The following TLR5 variants were observed in gnomAD, a reference collection of about 807,000 sequenced individuals.
TLR5 encodes the protein toll like receptor 5, also known as toll-like receptor 5.
For missense variants in TLR5, 944 were observed against 999.8 expected, an observed-to-expected ratio of 0.94 and a Z score of 0.75; for synonymous variants, 373 against 384.4, an observed-to-expected ratio of 0.97 and a Z score of 0.35.
rs1427940774 is a variant in TLR5 at position 223,111,730 on chromosome 1, C to A, written c.1302G>T (p.Arg434Ser). Residue 434 changes from arginine (R) to serine (S), a missense_variant, in exon 6 of 6, where the codon AGG becomes AGT. By Grantham distance (110) the Arg-to-Ser change is moderately radical (BLOSUM62 -1). Coordinates refer to ENST00000642603, the MANE Select transcript of TLR5 (RefSeq NM_003268.6). ...TANLIHLSENRLENLDILYFL... is the reference protein window; with the variant it reads ...TANLIHLSENSLENLDILYFL... ...AGTAGAGAATATCTAGATTTTCTAG[C>A]CTGTTTTCTGATAAGTGGATGAGGT... The A allele has an allele frequency of 4.3e-6, 7 of 1,614,014 alleles. No homozygotes were observed. The highest frequency in any genetic ancestry group is 2.2e-5 in the East Asian group (1 of 44,884).
chr1:223,113,656 C>T lies in TLR5; in HGVS notation c.-4-621G>A, dbSNP rs1402245010. On this transcript the variant is annotated intron_variant, in intron 5 of 5. Coordinates refer to ENST00000642603, the MANE Select transcript of TLR5 (RefSeq NM_003268.6). The stretch of plus-strand genomic sequence containing the variant: ...AATAAAAATATAGAGATGGGGGTCT[C>T]GCTTTGTTGCCCATGCTGGTCTTCA... Among the ~76,000 whole-genome samples, 10 of 152,220 alleles carry T rather than the reference C, an allele frequency of 6.6e-5. No homozygotes were observed. The South Asian group carries it at 1.5e-3, about 22-fold the overall frequency.
chr1:223,112,021 G>T lies in TLR5; in HGVS notation c.1011C>A (p.Asn337Lys). Reference sequence around the variant, plus strand: ...TATATGACAAATTGAGAACTTGGAGGTTGTCAAGTCCGTAAAATGCTTCAT... The same window carrying T: ...TATATGACAAATTGAGAACTTGGAGTTTGTCAAGTCCGTAAAATGCTTCAT... The part of the protein sequence containing the change: ...IADEAFYGLD[N>K]LQVLNLSYNL... The change falls in exon 6 of 6, where the codon AAC becomes AAA. Residue 337 changes from asparagine to lysine, a missense_variant. Asn to Lys is a moderately conservative substitution (Grantham distance 94, BLOSUM62 0). Coordinates refer to ENST00000642603, the MANE Select transcript of TLR5 (RefSeq NM_003268.6). 7 of 1,614,144 alleles carry T rather than the reference G, an allele frequency of 4.3e-6. No homozygotes were observed. The highest frequency in any genetic ancestry group is 4.5e-5 in the East Asian group (2 of 44,890).
Position 223,110,428 on chromosome 1 carries a change from G to C in TLR5, c.*27C>G. 1 of 1,611,806 alleles carries C rather than the reference G, an allele frequency of 6.2e-7. No homozygotes were observed. Among genetic ancestry groups the C allele is most frequent in the Non-Finnish European group, 8.5e-7 (1 of 1,178,746 alleles). On this transcript the variant is annotated 3_prime_UTR_variant, in exon 6 of 6. Transcript: ENST00000642603. ...CAAAGTGAAGAGTTATTTGTGGCTT[G>C]AGATAAGTTGGAAATTGCTCCTTTG...
intron 5 of TLR5, chr1:223,128,034 T>C (rs1657242329): frequency 1.3e-5 from 2 of 152,248 alleles, no homozygotes; most frequent in Admixed American, 1.3e-4. Flanking sequence ...TGCATACCCA[T>C]GTCTGAGAAC....
chr1:223,116,573 T>C (rs1371008088), intron 5 of TLR5, among the ~76,000 whole-genome samples: 2 of 152,150 alleles, frequency 1.3e-5, no homozygotes, highest in African/African-American at 4.8e-5. Flanking sequence ...GAACAAACCT[T>C]CCACGGTGTG....
chr1:223,126,691 C>A (rs1657179835), intron 5 of TLR5, among the ~76,000 whole-genome samples: 1 of 152,092 alleles, frequency 6.6e-6, no homozygotes, highest in Non-Finnish European at 1.5e-5. Flanking sequence ...TCTAATGGAT[C>A]CCCTCCAACT....
chr1:223,139,747 T>A (rs919442901), intron 2 of TLR5, among the ~76,000 whole-genome samples: 4 of 152,088 alleles, frequency 2.6e-5, no homozygotes, highest in African/African-American at 9.7e-5. Flanking sequence ...TAGGGGGTGC[T>A]CTGAGTTTTG....
At chr1:223,130,523 A>T (rs1156643529) in intron 5 of TLR5, among the ~76,000 whole-genome samples, 4 of 152,140 alleles carry the variant, frequency 2.6e-5, no homozygotes, top group Non-Finnish European at 4.4e-5. Flanking sequence ...GGTTCCTTGG[A>T]TGGGCCGGTC....
At chr1:223,119,547 G>C (rs2102890335) in intron 5 of TLR5, among the ~76,000 whole-genome samples, 1 of 152,122 alleles carries the variant, frequency 6.6e-6, no homozygotes, top group East Asian at 1.9e-4. Context: ...GAAAGGTGAG[G>C]GGGTCAGACA....
intron 4 of TLR5, among the ~76,000 whole-genome samples, chr1:223,133,918 G>A (rs957724999): frequency 2.6e-5 from 4 of 152,218 alleles, no homozygotes; most frequent in African/African-American, 9.6e-5. Flanking sequence ...CGGGGCGCGG[G>A]GAGCTGCAAG....
chr1:223,115,983 C>G (rs893007178), intron 5 of TLR5, among the ~76,000 whole-genome samples: 4 of 152,124 alleles, frequency 2.6e-5, no homozygotes, highest in African/African-American at 4.8e-5. Flanking sequence ...TCATGTGAAC[C>G]CTCTTCTCTC....
chr1:223,112,144 T>C lies in TLR5; in HGVS notation c.888A>G (p.Ser296=). The C allele has an allele frequency of 6.2e-7, 1 of 1,614,238 alleles. No individual in the cohort carries two copies. ...AGTTCAGGGAGAAGACAAACCCATGTGAAAGATCCAGGTGTCTCACTGAAC... is the reference window on the plus strand; with the variant it reads ...AGTTCAGGGAGAAGACAAACCCATGCGAAAGATCCAGGTGTCTCACTGAAC... ...ARSSVRHLDL[S]HGFVFSLNSR... Residue 296 remains serine, a synonymous_variant, in exon 6 of 6, where the codon TCA becomes TCG. Transcript: ENST00000642603.
intron 4 of TLR5, among the ~76,000 whole-genome samples, chr1:223,133,565 C>T (rs1175319424): frequency 2.0e-5 from 3 of 152,180 alleles, no homozygotes; most frequent in African/African-American, 7.2e-5. Flanking sequence ...TACCCCCATG[C>T]CCACGTGAGC....
At chr1:223,118,411 G>A (rs1201442516) in intron 5 of TLR5, among the ~76,000 whole-genome samples, 1 of 152,000 alleles carries the variant, frequency 6.6e-6, no homozygotes, top group Non-Finnish European at 1.5e-5. Flanking sequence ...GCCAGGCATG[G>A]TGGCGCATGC....
intron 4 of TLR5, among the ~76,000 whole-genome samples, chr1:223,133,807 C>G (rs1173892622): frequency 6.6e-6 from 1 of 152,010 alleles, no homozygotes; most frequent in Non-Finnish European, 1.5e-5. Context: ...GGTGCGACTT[C>G]TGATTTCAGG....
At position 223,111,267 on chromosome 1, in the gene TLR5, T is replaced by G. The variant is rs1349451331; in HGVS notation, c.1765A>C (p.Thr589Pro). 2.5e-6 allele frequency: 4 copies of G among 1,614,180 alleles called. No individual in the cohort carries two copies. Among genetic ancestry groups the G allele is most frequent in the Non-Finnish European group, 3.4e-6 (4 of 1,180,040 alleles). ...GTGTGATTAAGCCAATTGATAAAAG[T>G]GCTAAGTTCACATTCACAAATGAAC... is the stretch of plus-strand genomic sequence containing the variant. ...NKFICECELS[T>P]FINWLNHTNV... The change falls in exon 6 of 6, where the codon ACT (threonine) becomes CCT (proline). Residue 589 changes from threonine to proline, a missense_variant. Physicochemically the swap from Thr to Pro is conservative, Grantham distance 38. Transcript: ENST00000642603.
At chr1:223,124,746 G>A (rs1014912520) in intron 5 of TLR5, among the ~76,000 whole-genome samples, 1 of 152,158 alleles carries the variant, frequency 6.6e-6, no homozygotes, top group African/African-American at 2.4e-5. Flanking sequence ...TGGGATTACA[G>A]GTGTGCACCA....
At chr1:223,118,210 T>C (rs931103185) in intron 5 of TLR5, among the ~76,000 whole-genome samples, 2 of 152,196 alleles carry the variant, frequency 1.3e-5, no homozygotes, top group Admixed American at 6.5e-5. Context: ...TTCCAATTTA[T>C]AGGTAGATTT....
Position 223,110,262 on chromosome 1 carries a change from T to A in TLR5, c.*193A>T. ...CTAAGGGCAGTTGCAATTTTCTAGATCTATTATTTTCCATTTGGAGGTTAG... is the reference window on the plus strand; with the variant it reads ...CTAAGGGCAGTTGCAATTTTCTAGAACTATTATTTTCCATTTGGAGGTTAG... On this transcript the variant is annotated 3_prime_UTR_variant, in exon 6 of 6. Coordinates refer to ENST00000642603, the MANE Select transcript of TLR5 (RefSeq NM_003268.6). 1.6e-6 allele frequency: 1 copy of A among 626,952 alleles called. No homozygotes were observed. The highest frequency in any genetic ancestry group is 2.7e-6 in the Non-Finnish European group (1 of 363,876). 38.8% of individuals were successfully genotyped at this position (626,952 alleles called of 1,614,324 possible). A position where few individuals can be genotyped will look rare whatever the true frequency, so the allele number is the denominator to read the frequency against.
Sources: gnomAD v4.1 joint callset for allele counts (sites outside exome capture counted in the v4.1 genomes callset) on GRCh38, gnomAD v4.1.1 for gene constraint, MANE v1.5 for transcripts, NCBI Gene and HGNC (gene_info 2026-07-23, HGNC 2026-07-21) for gene names.